TARBP1: variants seen among roughly 807,000 people sequenced by gnomAD.
TARBP1 encodes tRNA guanosine 2 -O-methyltransferase TARBP1.
TARBP1 carries 144 observed loss-of-function variants against 178.6 expected under a neutral mutation model. The observed-to-expected ratio is 0.81, with a 90% CI of 0.70 to 0.93. The LOEUF is 0.93. Among genes scored for constraint, TARBP1 ranks in the 40% least tolerant of loss-of-function variants. The pLI, the probability that TARBP1 is intolerant of heterozygous loss-of-function variation, is 0.00. For synonymous variants in TARBP1, 787 were observed against 781.0 expected (o/e 1.01, Z -0.13); for missense variants, 2,067 against 2,011.7 (o/e 1.03, Z -0.53).
intron 20 of TARBP1, among the ~76,000 whole-genome samples, chr1:234,424,745 G>A (rs932422059): frequency 6.6e-6 from 1 of 152,032 alleles, no homozygotes; most frequent in African/African-American, 2.4e-5. Context: ...GACCAACATG[G>A]TGAAACCCTG....
chr1:234,419,005 T>C (rs1391199781), intron 21 of TARBP1, among the ~76,000 whole-genome samples: 1 of 152,028 alleles, frequency 6.6e-6, no homozygotes, highest in Non-Finnish European at 1.5e-5. Flanking sequence ...ACCCCGTCTC[T>C]ACTAAAAATA....
Position 234,472,707 on chromosome 1 carries a change from CACTT to C in TARBP1, c.1029+3_1029+6del. 1.3e-6 allele frequency: 2 copies of C among 1,556,022 alleles called. No individual in the cohort carries two copies. The highest frequency in any genetic ancestry group is 1.2e-5 in the South Asian group (1 of 83,206). Reference sequence around the variant, plus strand: ...TGTAGGATTTGCTAAAATAGAAAAACACTTACCTGATTTCCTTCTAAAGTCTCCA... The same window carrying C: ...TGTAGGATTTGCTAAAATAGAAAAACACCTGATTTCCTTCTAAAGTCTCCA... On this transcript the variant is annotated splice_donor_5th_base_variant and intron_variant, in intron 2 of 29. Transcript: ENST00000040877.
rs375195664 is a variant in TARBP1 at position 234,456,448 on chromosome 1, G to A, written c.1722+1219C>T. Reference sequence around the variant, plus strand: ...ACTCCTGGCCTCAAGTGATCTGCCCGCCTCAGCCTCCCAAAGTGCCACTGT... The same window carrying A: ...ACTCCTGGCCTCAAGTGATCTGCCCACCTCAGCCTCCCAAAGTGCCACTGT... On this transcript the variant is annotated intron_variant, in intron 9 of 29. Transcript: ENST00000040877. Among the ~76,000 whole-genome samples, 10 of 152,276 alleles carry A rather than the reference G, an allele frequency of 6.6e-5. No homozygotes were observed. The South Asian group carries it at 8.3e-4, about 13-fold the overall frequency.
chr1:234,402,358 C>A (rs1660759197), intron 24 of TARBP1, among the ~76,000 whole-genome samples: 1 of 152,198 alleles, frequency 6.6e-6, no homozygotes, highest in Non-Finnish European at 1.5e-5. Context: ...AGCACCCCCA[C>A]CACTAGCTGT....
intron 13 of TARBP1, among the ~76,000 whole-genome samples, chr1:234,434,781 G>T (rs984614550): frequency 4.0e-5 from 6 of 151,702 alleles, no homozygotes; most frequent in Non-Finnish European, 7.4e-5. Context: ...AGGGGTCAGG[G>T]ACAAGCTTTA....
chr1:234,392,319 G>A, intron 29 of TARBP1, 97 bp downstream of exon 29: 13 of 1,436,494 alleles, frequency 9.0e-6, no homozygotes, highest in Middle Eastern at 3.6e-4. Context: ...CTGGGCTACA[G>A]AGTGAGACTC....
chr1:234,443,955 G>T (rs1249345206), intron 12 of TARBP1, among the ~76,000 whole-genome samples: 1 of 152,188 alleles, frequency 6.6e-6, no homozygotes, highest in Non-Finnish European at 1.5e-5. Flanking sequence ...CAGGGCCTGG[G>T]GAAAGAGGAA....
chr1:234,462,284 C>G (rs1353875837), intron 6 of TARBP1, among the ~76,000 whole-genome samples: 1 of 152,244 alleles, frequency 6.6e-6, no homozygotes, highest in Non-Finnish European at 1.5e-5. Context: ...TGACCGACAT[C>G]ACTTCACTCA....
chr1:234,463,794 G>T, intron 6 of TARBP1, 43 bp downstream of exon 6: 3 of 1,166,482 alleles, frequency 2.6e-6, no homozygotes, highest in Non-Finnish European at 3.5e-6. Context: ...AAAAGAAACT[G>T]TAAGCTAAAG....
At position 234,392,439 on chromosome 1, in the gene TARBP1, A is replaced by C; in HGVS notation, c.4674T>G (p.Pro1558=). Residue 1558 remains proline (P), a synonymous_variant, in exon 29 of 30, where the codon CCT becomes CCG. Transcript: ENST00000040877. ...KSLDLTQYCF[P]EKSLLLLGNE... ...ACCCCAACAAGAGCAGAGATTTCTC[A>C]GGAAAGCAATATTGGGTTAGGTCTA... 4 of 1,614,186 alleles carry C rather than the reference A, an allele frequency of 2.5e-6. No individual in the cohort carries two copies. The highest frequency in any genetic ancestry group is 3.4e-6 in the Non-Finnish European group (4 of 1,180,018).
chr1:234,392,711 TTC>T, intron 28 of TARBP1, 159 bp from the exon 29 acceptor site: 2 of 544,754 alleles, frequency 3.7e-6, no homozygotes, highest in East Asian at 7.9e-5. Flanking sequence ...TGACATCAAT[TTC>T]TTTTTTTTTT....
chr1:234,440,251 C>T (rs557937707), intron 12 of TARBP1, among the ~76,000 whole-genome samples: 5 of 151,572 alleles, frequency 3.3e-5, no homozygotes, highest in African/African-American at 7.3e-5. Context: ...AAACAAGAAA[C>T]GTCTAAAATC....
intron 29 of TARBP1, among the ~76,000 whole-genome samples, 190 bp from the exon 30 acceptor site, chr1:234,391,935 G>C (rs536829357): frequency 2.5e-4 from 38 of 152,300 alleles, no homozygotes; most frequent in African/African-American, 9.1e-4. Context: ...AAAAAAGACT[G>C]ATGGGTCAAT....
intron 23 of TARBP1, chr1:234,407,790 A>G (rs1308976153): frequency 6.6e-6 from 1 of 152,194 alleles, no homozygotes; most frequent in Non-Finnish European, 1.5e-5. Context: ...CCCATCTCAC[A>G]TCACTGTATG....
rs899723671 is a variant in TARBP1, at chr1:234,427,565, G to C, written c.3251+11C>G. ...CAAGTTATGACCAGTTGAAATAATA[G>C]CATCTTTTACCTTTGATCACGCCTA... On this transcript the variant is annotated intron_variant, in intron 18 of 29. Coordinates refer to ENST00000040877, the MANE Select transcript of TARBP1 (RefSeq NM_005646.4). The C allele has an allele frequency of 1.9e-6, 3 of 1,588,800 alleles. No individual in the cohort carries two copies. The highest frequency in any genetic ancestry group is 2.7e-5 in the African/African-American group (2 of 73,402).
At chr1:234,461,157 C>A (rs1196356709) in intron 6 of TARBP1, among the ~76,000 whole-genome samples, 2 of 152,094 alleles carry the variant, frequency 1.3e-5, no homozygotes, top group Non-Finnish European at 2.9e-5. Context: ...CACCACTAAA[C>A]CAAATGGTTT....
At chr1:234,410,347 G>A (rs543432451) in intron 23 of TARBP1, 98 bp downstream of exon 23, 11 of 686,828 alleles carry the variant, frequency 1.6e-5, no homozygotes, top group South Asian at 7.5e-5. Flanking sequence ...GGGAAAAATT[G>A]CAAACATTCA....
chr1:234,450,427 CT>C lies in TARBP1; in HGVS notation c.1861del (p.Thr621GlnfsTer18). ...QEYVKSSAWE[T>X]GENCFMPDWF... ...ATCCATAAAAATGATTGCAGACTTA[CT>C]TTCCCAAGCAGATGACTTAACATAC... On this transcript the variant is annotated frameshift_variant and splice_region_variant, in exon 10 of 30. Transcript: ENST00000040877. LOFTEE classifies it high-confidence loss of function. The C allele has an allele frequency of 1.3e-6, 2 of 1,561,304 alleles. No homozygotes were observed. Among genetic ancestry groups the C allele is most frequent in the Non-Finnish European group, 1.7e-6 (2 of 1,160,424 alleles).
chr1:234,393,656 G>T lies in TARBP1; in HGVS notation c.4425C>A (p.Thr1475=). 1 of 1,606,910 alleles carries T rather than the reference G, an allele frequency of 6.2e-7. No individual in the cohort carries two copies. The highest frequency in any genetic ancestry group is 1.1e-5 in the South Asian group (1 of 90,682). ...IVVASLIDKP[T]NLGGLCRTCE... Reference sequence around the variant, plus strand: ...AAACTCCAACTTTACCTCCTAAATTGGTCGGTTTGTCGATGAGCGAGGCCA... The same window carrying T: ...AAACTCCAACTTTACCTCCTAAATTTGTCGGTTTGTCGATGAGCGAGGCCA... The change falls in exon 27 of 30, where the codon ACC becomes ACA. Residue 1475 remains threonine (T), a synonymous_variant. Transcript: ENST00000040877.
Sources: gnomAD v4.1 joint callset for allele counts (sites outside exome capture counted in the v4.1 genomes callset) on GRCh38, gnomAD v4.1.1 for gene constraint, MANE v1.5 for transcripts, NCBI Gene and HGNC (gene_info 2026-07-23, HGNC 2026-07-21) for gene names.